PPP2R5E: variants seen among roughly 807,000 people sequenced by gnomAD.
PPP2R5E encodes serine/threonine-protein phosphatase 2A 56 kDa regulatory subunit epsilon isoform.
In PPP2R5E, 4 loss-of-function variants were observed where a neutral mutation model predicts 65.3. The ratio of observed to expected loss-of-function variants is 0.06; its 90% CI spans 0.03 to 0.14. PPP2R5E has a LOEUF of 0.14. Ranked by LOEUF, PPP2R5E falls within the 10% of genes least tolerant of loss-of-function variation. The pLI, the probability that PPP2R5E is intolerant of heterozygous loss-of-function variation, is 1.00. For missense variants in PPP2R5E, 274 were observed against 556.1 expected, an observed-to-expected ratio of 0.49 and a Z score of 5.10; for synonymous variants, 183 against 187.4, an observed-to-expected ratio of 0.98 and a Z score of 0.19.
intron 2 of PPP2R5E, among the ~76,000 whole-genome samples, chr14:63,463,742 G>A (rs1185867986): frequency 5.9e-5 from 9 of 151,392 alleles, no homozygotes; most frequent in Admixed American, 3.3e-4. Flanking sequence ...GAATACAGGC[G>A]CCCGCCACCA....
intron 3 of PPP2R5E, among the ~76,000 whole-genome samples, chr14:63,450,822 TGC>T: frequency 6.6e-6 from 1 of 150,398 alleles, no homozygotes; most frequent in Non-Finnish European, 1.5e-5. Context: ...AATGGTGAGT[TGC>T]CAAGAAGCAG....
chr14:63,475,425 C>G (rs1274129255), intron 2 of PPP2R5E, among the ~76,000 whole-genome samples: 1 of 152,180 alleles, frequency 6.6e-6, no homozygotes, highest in East Asian at 1.9e-4. Flanking sequence ...GGCCTGTTTC[C>G]AACACACTTT....
At chr14:63,444,046 G>A (rs1888360219) in intron 3 of PPP2R5E, among the ~76,000 whole-genome samples, 1 of 152,124 alleles carries the variant, frequency 6.6e-6, no homozygotes, top group Non-Finnish European at 1.5e-5. Flanking sequence ...ATCTGACCAT[G>A]TCACTCCGCC....
intron 2 of PPP2R5E, among the ~76,000 whole-genome samples, chr14:63,521,399 T>C (rs1422209502): frequency 1.3e-5 from 2 of 152,224 alleles, no homozygotes; most frequent in African/African-American, 2.4e-5. Flanking sequence ...CCGGGCGCAG[T>C]GGCTCATGCC....
rs529064822 is a variant in PPP2R5E, at chr14:63,423,370, T to C, written c.355-1276A>G. On this transcript the variant is annotated intron_variant, in intron 3 of 13. Coordinates refer to ENST00000337537, the MANE Select transcript of PPP2R5E (RefSeq NM_006246.5). ...CTTCAGCCTCCCAAAGTGCAGGGAT[T>C]ACAGGCGTGAGACACCACACCTGGC... 1.6e-4 allele frequency among the ~76,000 whole-genome samples: 24 copies of C among 152,354 alleles called. No homozygotes were observed. The South Asian group carries it at 5.0e-3, about 32-fold the overall frequency.
intron 13 of PPP2R5E, 107 bp from the exon 14 acceptor site, chr14:63,376,215 T>C (rs1053012034): frequency 2.8e-6 from 2 of 717,318 alleles, no homozygotes; most frequent in Non-Finnish European, 2.2e-6. Context: ...TTAGCTTAAT[T>C]GAGAAAATTA....
At chr14:63,477,315 C>G (rs772483069) in intron 2 of PPP2R5E, among the ~76,000 whole-genome samples, 1 of 152,048 alleles carries the variant, frequency 6.6e-6, no homozygotes, top group Non-Finnish European at 1.5e-5. Context: ...TCAATACATT[C>G]CAGGAACTGC....
intron 5 of PPP2R5E, among the ~76,000 whole-genome samples, chr14:63,414,052 G>C (rs532571264): frequency 1.2e-3 from 178 of 152,268 alleles, no homozygotes; most frequent in African/African-American, 3.6e-3. Context: ...GATGTAGAGA[G>C]GCCTCCATGC....
At chr14:63,439,563 G>C (rs748187248) in intron 3 of PPP2R5E, among the ~76,000 whole-genome samples, 1 of 152,058 alleles carries the variant, frequency 6.6e-6, no homozygotes, top group African/African-American at 2.4e-5. Context: ...TAGTAGAGAC[G>C]GGGTTTCTCC....
At chr14:63,493,783 T>G (rs1021461680) in intron 2 of PPP2R5E, among the ~76,000 whole-genome samples, 1 of 152,128 alleles carries the variant, frequency 6.6e-6, no homozygotes, top group African/African-American at 2.4e-5. Context: ...TAAATCACTG[T>G]GGAAGTGATG....
At chr14:63,423,381 G>A (rs1566690925) in intron 3 of PPP2R5E, among the ~76,000 whole-genome samples, 1 of 152,214 alleles carries the variant, frequency 6.6e-6, no homozygotes, top group Non-Finnish European at 1.5e-5. Context: ...ACAGGCGTGA[G>A]ACACCACACC....
At chr14:63,513,307 A>G (rs947245397) in intron 2 of PPP2R5E, among the ~76,000 whole-genome samples, 20 of 152,320 alleles carry the variant, frequency 1.3e-4, no homozygotes, top group African/African-American at 4.8e-4. Flanking sequence ...AGTAAAAAGG[A>G]CAAGGATAGA....
At position 63,497,502 on chromosome 14, in the gene PPP2R5E, T is replaced by C. The variant is rs181931110; in HGVS notation, c.157+42027A>G. ...GTGCAGTGGCTCCCCCCTGTAATTCTAGCACTTTGGGAGGCAGAGGTGGAT... is the reference window on the plus strand; with the variant it reads ...GTGCAGTGGCTCCCCCCTGTAATTCCAGCACTTTGGGAGGCAGAGGTGGAT... On this transcript the variant is annotated intron_variant, in intron 2 of 13. Transcript: ENST00000337537. Among the ~76,000 whole-genome samples, 26 of 152,122 alleles carry C rather than the reference T, an allele frequency of 1.7e-4. No homozygotes were observed. In the East Asian group the frequency reaches 4.4e-3, roughly 26 times the overall value.
intron 3 of PPP2R5E, among the ~76,000 whole-genome samples, chr14:63,426,409 C>T (rs1214236816): frequency 7.3e-6 from 1 of 137,404 alleles, no homozygotes; most frequent in African/African-American, 3.2e-5. Context: ...TATATGGGAG[C>T]ACCAAAAAAA....
At chr14:63,455,403 T>C (rs1021255354) in intron 2 of PPP2R5E, among the ~76,000 whole-genome samples, 2 of 152,170 alleles carry the variant, frequency 1.3e-5, no homozygotes, top group Admixed American at 6.5e-5. Flanking sequence ...GCAGTCCATA[T>C]CTTTGAATGT....
At position 63,444,183 on chromosome 14, in the gene PPP2R5E, T is replaced by C. The variant is rs567495055; in HGVS notation, c.354+9506A>G. Reference sequence around the variant, plus strand: ...TCCAACACACATATACACATAACACTGTAACAACGTAGCATGACTGTGTTT... The same window carrying C: ...TCCAACACACATATACACATAACACCGTAACAACGTAGCATGACTGTGTTT... On this transcript the variant is annotated intron_variant, in intron 3 of 13. Coordinates refer to ENST00000337537, the MANE Select transcript of PPP2R5E (RefSeq NM_006246.5). Among the ~76,000 whole-genome samples the C allele has an allele frequency of 3.3e-5, 5 of 152,350 alleles. 1 individual carries two copies. Among genetic ancestry groups the C allele is most frequent in the African/African-American group, 1.2e-4 (5 of 41,566 alleles).
At chr14:63,417,549 T>C (rs1174155882) in intron 4 of PPP2R5E, among the ~76,000 whole-genome samples, 2 of 152,188 alleles carry the variant, frequency 1.3e-5, no homozygotes, top group Non-Finnish European at 2.9e-5. Flanking sequence ...ACAAATGCTT[T>C]TCCATAAGAT....
chr14:63,519,043 C>T (rs1305254060), intron 2 of PPP2R5E, among the ~76,000 whole-genome samples: 2 of 152,030 alleles, frequency 1.3e-5, no homozygotes, highest in South Asian at 2.1e-4. Context: ...GGAGAAACCC[C>T]GTCTCTACTA....
At chr14:63,530,666 C>T (rs1396739774) in intron 2 of PPP2R5E, among the ~76,000 whole-genome samples, 3 of 128,404 alleles carry the variant, frequency 2.3e-5, no homozygotes, top group Non-Finnish European at 4.8e-5. Flanking sequence ...GAGACACTCT[C>T]ACTCTGTCAC....
Sources: allele counts gnomAD v4.1 joint callset (sites outside exome capture counted in the v4.1 genomes callset), GRCh38; gene constraint gnomAD v4.1.1; transcripts MANE v1.5; gene names NCBI Gene and HGNC (gene_info 2026-07-23, HGNC 2026-07-21).